Variants in CDH23 observed in about 807,000 individuals in gnomAD.
The protein encoded by CDH23 is cadherin-23.
CDH23 carries 189 observed loss-of-function variants against 317.1 expected under a neutral mutation model. The ratio of observed to expected loss-of-function variants is 0.60; its 90% CI spans 0.53 to 0.67. CDH23 has a LOEUF of 0.67. Among genes scored for constraint, CDH23 ranks in the 30% least tolerant of loss-of-function variants. The pLI, the probability that CDH23 is intolerant of heterozygous loss-of-function variation, is 0.00. For synonymous variants in CDH23, 1,839 were observed against 1,876.8 expected, an observed-to-expected ratio of 0.98 and a Z score of 0.52; for missense variants, 4,401 against 4,592.4, an observed-to-expected ratio of 0.96 and a Z score of 1.20.
intron 17 of CDH23, among the ~76,000 whole-genome samples, chr10:71,680,829 C>CTTTTTT (rs1312991062): frequency 8.1e-4 from 57 of 70,114 alleles, no homozygotes; most frequent in African/African-American, 1.3e-3. Flanking sequence ...TTTTCTTTTT[C>CTTTTTT]TTTTTTTTTT....
chr10:71,489,250 C>T (rs1456029613), intron 3 of CDH23, among the ~76,000 whole-genome samples: 1 of 152,126 alleles, frequency 6.6e-6, no homozygotes, highest in East Asian at 1.9e-4. Flanking sequence ...TCTTCTTAGC[C>T]TTTCTGTTGT....
At chr10:71,523,045 A>T (rs564123168) in intron 6 of CDH23, among the ~76,000 whole-genome samples, 9 of 152,092 alleles carry the variant, frequency 5.9e-5, no homozygotes, top group African/African-American at 1.9e-4. Context: ...TGGAATAGAC[A>T]CTCAGGGTTT....
At chr10:71,700,560 A>G (rs996149116) in intron 22 of CDH23, among the ~76,000 whole-genome samples, 2 of 152,150 alleles carry the variant, frequency 1.3e-5, no homozygotes, top group Admixed American at 1.3e-4. Context: ...GCTTCCCTTT[A>G]TGGAGGCTAG....
At chr10:71,532,737 T>TTTTTG (rs1564636395) in intron 6 of CDH23, among the ~76,000 whole-genome samples, 52 of 86,206 alleles carry the variant, frequency 6.0e-4, no homozygotes, top group African/African-American at 1.2e-3. Context: ...GTTTTTTTTT[T>TTTTTG]TTTTTTTTTT....
chr10:71,425,407 G>GGAAGGAAGGAAGGAAGGAAGGAA, intron 1 of CDH23, among the ~76,000 whole-genome samples: 1 of 150,214 alleles, frequency 6.7e-6, no homozygotes, highest in Non-Finnish European at 1.5e-5. Flanking sequence ...AAGGAAGGAA[G>GGAAGGAAGGAAGGAAGGAAGGAA]GAAGGAGGGA....
chr10:71,716,649 A>C, intron 28 of CDH23: 1 of 287,616 alleles, frequency 3.5e-6, no homozygotes. Flanking sequence ...CTCATGAATC[A>C]TCACAGGGTC....
intron 9 of CDH23, among the ~76,000 whole-genome samples, chr10:71,586,338 C>T (rs1297908186): frequency 6.6e-6 from 1 of 152,138 alleles, no homozygotes; most frequent in Non-Finnish European, 1.5e-5. Flanking sequence ...CTTTCAAGAG[C>T]TTTGAGATCT....
At chr10:71,601,730 A>G (rs139912281) in intron 9 of CDH23, among the ~76,000 whole-genome samples, 1 of 152,294 alleles carries the variant, frequency 6.6e-6, no homozygotes, top group Non-Finnish European at 1.5e-5. Context: ...GCTGTTTTCT[A>G]TACTGGAGCT....
intron 69 of CDH23, among the ~76,000 whole-genome samples, chr10:71,814,400 G>A (rs1842047880): frequency 6.6e-6 from 1 of 152,200 alleles, no homozygotes; most frequent in Non-Finnish European, 1.5e-5. Context: ...GGGCAACAGA[G>A]AGAAACCCTG....
chr10:71,757,878 A>G (rs1273641410), intron 38 of CDH23, among the ~76,000 whole-genome samples: 1 of 151,978 alleles, frequency 6.6e-6, no homozygotes, highest in Non-Finnish European at 1.5e-5. Context: ...AGCTGCCTAG[A>G]CCCCTTCTCT....
chr10:71,725,602 G>C (rs561625497), intron 30 of CDH23, 82 bp downstream of exon 30: 8 of 1,474,000 alleles, frequency 5.4e-6, no homozygotes, highest in Non-Finnish European at 6.4e-6. Context: ...ATTAGTTGGC[G>C]CCTGGTGTGG....
intron 6 of CDH23, among the ~76,000 whole-genome samples, chr10:71,548,182 A>T (rs1454040841): frequency 1.3e-5 from 2 of 152,248 alleles, no homozygotes; most frequent in African/African-American, 2.4e-5. Context: ...ACAGGGCCAC[A>T]GCCTGCGGGG....
chr10:71,564,743 G>T (rs1047020165), intron 6 of CDH23, among the ~76,000 whole-genome samples: 4 of 152,232 alleles, frequency 2.6e-5, no homozygotes, highest in African/African-American at 4.8e-5. Flanking sequence ...TGAAGTGAGG[G>T]CCGGCTACCC....
intron 3 of CDH23, among the ~76,000 whole-genome samples, chr10:71,481,462 G>A (rs980881718): frequency 6.6e-6 from 1 of 152,146 alleles, no homozygotes; most frequent in Admixed American, 6.5e-5. Flanking sequence ...AAGAGAACAG[G>A]GTTTGAGGCA....
chr10:71,449,461 G>A (rs1850327566), intron 3 of CDH23, among the ~76,000 whole-genome samples: 1 of 152,086 alleles, frequency 6.6e-6, no homozygotes, highest in South Asian at 2.1e-4. Flanking sequence ...CTGCCTCCCT[G>A]GAACTACCCA....
chr10:71,580,169 A>T (rs1858524492), intron 9 of CDH23, among the ~76,000 whole-genome samples: 1 of 152,166 alleles, frequency 6.6e-6, no homozygotes, highest in Non-Finnish European at 1.5e-5. Context: ...CTCCAGCCAG[A>T]CCCACCTCTC....
intron 61 of CDH23, 111 bp from the exon 62 acceptor site, chr10:71,810,361 G>C: frequency 2.0e-6 from 2 of 1,008,152 alleles, no homozygotes; most frequent in Admixed American, 4.0e-5. Context: ...ACATTCAGTA[G>C]TGAAGGGTCT....
chr10:71,683,648 G>T (rs1232961755), intron 18 of CDH23, among the ~76,000 whole-genome samples: 1 of 152,202 alleles, frequency 6.6e-6, no homozygotes, highest in Non-Finnish European at 1.5e-5. Flanking sequence ...AGAATTTAGG[G>T]GGGGCCAGGA....
chr10:71,725,606 G>A, intron 30 of CDH23, 86 bp downstream of exon 30: 3 of 1,440,248 alleles, frequency 2.1e-6, no homozygotes, highest in Non-Finnish European at 2.8e-6. Flanking sequence ...GTTGGCGCCT[G>A]GTGTGGGCAG....
Sources: allele counts gnomAD v4.1 joint callset (sites outside exome capture counted in the v4.1 genomes callset), GRCh38; gene constraint gnomAD v4.1.1; transcripts MANE v1.5; gene names NCBI Gene and HGNC (gene_info 2026-07-23, HGNC 2026-07-21).